The following HAS1 variants were observed in gnomAD, a reference collection of about 807,000 sequenced individuals.
HAS1 encodes HA synthase 1.
Under a neutral mutation model 35.0 loss-of-function variants are expected in HAS1, and 27 were observed. The ratio of observed to expected loss-of-function variants is 0.77; its 90% CI spans 0.57 to 1.06. The LOEUF (loss-of-function observed/expected upper bound fraction) is 1.06, where lower values mean the gene tolerates loss of function less well. Ranked by LOEUF, HAS1 falls within the 50% of genes least tolerant of loss-of-function variation. HAS1 has a pLI of 0.00. For synonymous variants in HAS1, 409 were observed against 371.2 expected (o/e 1.10, Z -1.17); for missense variants, 940 against 814.8 (o/e 1.15, Z -1.87).
intron 4 of HAS1, among the ~76,000 whole-genome samples, chr19:51,714,708 A>AAAAAAAAAAAAAC: frequency 6.6e-6 from 1 of 150,488 alleles, no homozygotes. Flanking sequence ...GAAAAAAAAA[A>AAAAAAAAAAAAAC]AGGCTCTCAT....
chr19:51,713,310 T>G lies in HAS1; in HGVS notation c.*117A>C, dbSNP rs3829647. 538,774 of 1,005,692 alleles carry G rather than the reference T, an allele frequency of 0.54. 145,579 individuals are homozygous for G. The highest frequency in any genetic ancestry group is 0.56 in the Middle Eastern group (1,734 of 3,074). The allele number at this position is 1,005,692 out of a possible 1,614,324, so 62.3% of individuals were successfully genotyped here. A position where few individuals can be genotyped will look rare whatever the true frequency, so the allele number is the denominator to read the frequency against. On this transcript the variant is annotated 3_prime_UTR_variant, in exon 5 of 5. Coordinates refer to ENST00000540069, the MANE Select transcript of HAS1 (RefSeq NM_001297436.2). This position sits in a 1 kb window ranked among gnomAD's most constrained non-coding sequence, Gnocchi z 4.5. ...GAATCTTGGGCTGACCCCCTCGTTT[T>G]GCAGAGGAGGGAAACTGAGGCCCAG...
At chr19:51,720,737 G>A (rs745724218) in intron 1 of HAS1, among the ~76,000 whole-genome samples, 12 of 151,956 alleles carry the variant, frequency 7.9e-5, no homozygotes, top group Non-Finnish European at 1.6e-4. Context: ...ATGAATACAG[G>A]CATGAGCCAC....
At chr19:51,720,093 G>A (rs1343021452) in intron 1 of HAS1, among the ~76,000 whole-genome samples, 198 bp from the exon 2 acceptor site, 1 of 138,408 alleles carries the variant, frequency 7.2e-6, no homozygotes, top group Admixed American at 7.6e-5. Context: ...TCTCTCTCTC[G>A]CTCTCGCTCT....
In HAS1 at chr19:51,719,287, G is replaced by A; in HGVS notation, c.618C>T (p.Cys206=). Residue 206 remains cysteine, a synonymous_variant, in exon 2 of 5, where the codon TGC becomes TGT. Coordinates refer to ENST00000540069, the MANE Select transcript of HAS1 (RefSeq NM_001297436.2). Reference sequence around the variant, plus strand: ...GCTTGCCGCCCCAGCGCTGCGCCACGCACACGCACCTGCGAGTCCTCACCA... The same window carrying A: ...GCTTGCCGCCCCAGCGCTGCGCCACACACACGCACCTGCGAGTCCTCACCA... The part of the protein sequence containing the change: ...EALVRTRRCV[C]VAQRWGGKRE... The A allele has an allele frequency of 1.2e-6, 2 of 1,611,436 alleles. No homozygotes were observed. Among genetic ancestry groups the A allele is most frequent in the Non-Finnish European group, 1.7e-6 (2 of 1,179,102 alleles).
chr19:51,717,458 G>T (rs1038893436), intron 2 of HAS1, among the ~76,000 whole-genome samples: 1 of 152,126 alleles, frequency 6.6e-6, no homozygotes, highest in African/African-American at 2.4e-5. Flanking sequence ...CTAAGCAATA[G>T]AATATGGCAG....
At chr19:51,715,972 C>G (rs567580184) in intron 4 of HAS1, among the ~76,000 whole-genome samples, 1 of 152,328 alleles carries the variant, frequency 6.6e-6, no homozygotes, top group South Asian at 2.1e-4. Flanking sequence ...CACCTTGCCT[C>G]TCTTGGTAGA....
In HAS1 at chr19:51,719,433, T is replaced by C. The variant is rs2083608844; in HGVS notation, c.472A>G (p.Thr158Ala). 3 of 1,555,362 alleles carry C rather than the reference T, an allele frequency of 1.9e-6. No individual in the cohort carries two copies. The highest frequency in any genetic ancestry group is 2.0e-5 in the Admixed American group (1 of 51,148). Reference protein sequence around the residue: ...REVFADEDPATYVWDGNYHQP... With the variant: ...REVFADEDPAAYVWDGNYHQP... Reference sequence around the variant, plus strand: ...TGGTAGTTGCCGTCCCACACGTACGTGGCGGGGTCCTCGTCAGCGAAGACC... The same window carrying C: ...TGGTAGTTGCCGTCCCACACGTACGCGGCGGGGTCCTCGTCAGCGAAGACC... Residue 158 changes from threonine to alanine, a missense_variant, in exon 2 of 5, where the codon ACG becomes GCG. Thr to Ala is a moderately conservative substitution (Grantham distance 58). Coordinates refer to ENST00000540069, the MANE Select transcript of HAS1 (RefSeq NM_001297436.2).
intron 2 of HAS1, chr19:51,717,942 G>T: frequency 6.6e-6 from 1 of 152,424 alleles, no homozygotes; most frequent in Non-Finnish European, 1.5e-5. Context: ...TAATGCATTA[G>T]AATTGCTACA....
chr19:51,723,884 T>TACACAC (rs58597876), intron 1 of HAS1, 41 bp downstream of exon 1: 94,099 of 1,210,860 alleles, frequency 0.078, 1,806 homozygotes, highest in Middle Eastern at 0.11. Flanking sequence ...CATGGCTGTA[T>TACACAC]ACACACACAC....
chr19:51,716,455 TTCCAGCCCCAACCCCATC>T (rs1221021216), intron 3 of HAS1, 67 bp from the exon 4 acceptor site: 3 of 1,443,474 alleles, frequency 2.1e-6, no homozygotes, highest in Non-Finnish European at 2.8e-6. Flanking sequence ...CCAATGCTGT[TTCCAGCCCCAACCCCATC>T]TCCAGTTCCA....
At position 51,719,566 on chromosome 19, in the gene HAS1, G is replaced by T; in HGVS notation, c.339C>A (p.Cys113Ter). Residue 113 changes from cysteine (C) to a stop codon, truncating the protein, a stop_gained, in exon 2 of 5, where the codon TGC becomes TGA. Coordinates refer to ENST00000540069, the MANE Select transcript of HAS1 (RefSeq NM_001297436.2). LOFTEE classifies it high-confidence loss of function. ...ACAGCAGGGCGCGGGCGGACGCCAG[G>T]CACTGGCGCAGGTACGCGGGGTCCT... Reference protein sequence around the residue: ...YQEDPAYLRQCLASARALLYP... With the variant: ...YQEDPAYLRQ The T allele has an allele frequency of 6.5e-7, 1 of 1,545,290 alleles. No individual in the cohort carries two copies. The highest frequency in any genetic ancestry group is 2.5e-5 in the East Asian group (1 of 40,278).
At chr19:51,715,107 C>A (rs2083578323) in intron 4 of HAS1, among the ~76,000 whole-genome samples, 1 of 152,152 alleles carries the variant, frequency 6.6e-6, no homozygotes, top group Non-Finnish European at 1.5e-5. Flanking sequence ...CTGGGCATTA[C>A]TTGACAGTGT....
chr19:51,713,879 A>G lies in HAS1; in HGVS notation c.1282T>C (p.Trp428Arg), dbSNP rs2083563046. ...CACAGCAGCACCCACAGCAGCGCCC[A>G]AGGGCGGCCCGCGTAGAACAGACGC... ...VLRLFYAGRPWALLWVLLCVQ... is the reference protein window; with the variant it reads ...VLRLFYAGRPRALLWVLLCVQ... Residue 428 changes from tryptophan (W) to arginine (R), a missense_variant, in exon 5 of 5, where the codon TGG (tryptophan) becomes CGG (arginine). Transcript: ENST00000540069. This position sits in a 1 kb window ranked among gnomAD's most constrained non-coding sequence, Gnocchi z 4.5. 1 of 1,606,504 alleles carries G rather than the reference A, an allele frequency of 6.2e-7. No homozygotes were observed. The highest frequency in any genetic ancestry group is 1.3e-5 in the African/African-American group (1 of 75,062).
Position 51,719,582 on chromosome 19 carries a change from G to C in HAS1, c.323C>G (p.Ala108Gly), listed in dbSNP as rs1200168302. 1.3e-6 allele frequency: 2 copies of C among 1,543,774 alleles called. No homozygotes were observed. Among genetic ancestry groups the C allele is most frequent in the Non-Finnish European group, 1.7e-6 (2 of 1,144,128 alleles). The change falls in exon 2 of 5, where the codon GCG becomes GGG. Residue 108 changes from alanine to glycine, a missense_variant. Coordinates refer to ENST00000540069, the MANE Select transcript of HAS1 (RefSeq NM_001297436.2). ...GGACGCCAGGCACTGGCGCAGGTACGCGGGGTCCTCCTGGTAGGCGGAGAT... is the reference window on the plus strand; with the variant it reads ...GGACGCCAGGCACTGGCGCAGGTACCCGGGGTCCTCCTGGTAGGCGGAGAT... ...LTISAYQEDP[A>G]YLRQCLASAR...
At position 51,719,439 on chromosome 19, in the gene HAS1, G is replaced by T. The variant is rs1444337804; in HGVS notation, c.466C>A (p.Pro156Thr). 6.4e-7 allele frequency: 1 copy of T among 1,553,966 alleles called. No homozygotes were observed. Among genetic ancestry groups the T allele is most frequent in the Non-Finnish European group, 8.7e-7 (1 of 1,148,150 alleles). ...MFREVFADED[P>T]ATYVWDGNYH... ...TTGCCGTCCCACACGTACGTGGCGG[G>T]GTCCTCGTCAGCGAAGACCTCGCGG... The change falls in exon 2 of 5, where the codon CCC becomes ACC. Residue 156 changes from proline to threonine, a missense_variant. Physicochemically the swap from Pro to Thr is conservative, Grantham distance 38 (BLOSUM62 -1). Transcript: ENST00000540069.
At chr19:51,721,266 G>A (rs1336980394) in intron 1 of HAS1, among the ~76,000 whole-genome samples, 1 of 152,096 alleles carries the variant, frequency 6.6e-6, no homozygotes, top group Admixed American at 6.5e-5. Context: ...CAGAAGGAGT[G>A]GCTTGCACAA....
Position 51,716,238 on chromosome 19 carries a change from C to G in HAS1, c.1058+18G>C, listed in dbSNP as rs372145254. ...TTGGCCTCCACACATACCCGACCACCTGGTCCCCTCAGCTTACTTGGTAGC... is the reference window on the plus strand; with the variant it reads ...TTGGCCTCCACACATACCCGACCACGTGGTCCCCTCAGCTTACTTGGTAGC... On this transcript the variant is annotated intron_variant, in intron 4 of 4. Coordinates refer to ENST00000540069, the MANE Select transcript of HAS1 (RefSeq NM_001297436.2). The G allele has an allele frequency of 1.2e-6, 2 of 1,607,932 alleles. No individual in the cohort carries two copies. Among genetic ancestry groups the G allele is most frequent in the Non-Finnish European group, 1.7e-6 (2 of 1,176,874 alleles).
intron 1 of HAS1, among the ~76,000 whole-genome samples, chr19:51,723,245 C>T (rs867243409): frequency 1.6e-4 from 25 of 152,146 alleles, no homozygotes; most frequent in Admixed American, 1.3e-3. Context: ...ATCCCGTGAC[C>T]CCCACCGACG....
intron 2 of HAS1, 60 bp from the exon 3 acceptor site, chr19:51,717,253 G>A (rs1453274616): frequency 1.7e-6 from 2 of 1,190,546 alleles, no homozygotes; most frequent in East Asian, 2.4e-5. Flanking sequence ...ATGCTTGAGA[G>A]GAAGGCATCA....
Sources: gnomAD v4.1 joint callset for allele counts (sites outside exome capture counted in the v4.1 genomes callset) on GRCh38, gnomAD v4.1.1 for gene constraint, Gnocchi (gnomAD v3.1) non-coding constraint, MANE v1.5 for transcripts, NCBI Gene and HGNC (gene_info 2026-07-23, HGNC 2026-07-21) for gene names.